Variants in KRT72 observed in about 807,000 individuals in gnomAD.
KRT72 encodes keratin 72, also known as keratin, type II cytoskeletal 72.
Under a neutral mutation model 44.7 loss-of-function variants are expected in KRT72, and 44 were observed. The ratio of observed to expected loss-of-function variants is 0.98; its 90% CI spans 0.77 to 1.27. The LOEUF is 1.27. Ranked by LOEUF, KRT72 falls within the 50% of genes most tolerant of loss-of-function variation. The probability of loss-of-function intolerance (pLI) is 0.00; values close to 1 mark genes in which losing one functional copy is unlikely to be tolerated. For missense variants in KRT72, 736 were observed against 667.1 expected (o/e 1.10, Z -1.14); for synonymous variants, 302 against 280.4 (o/e 1.08, Z -0.77).
At chr12:52,586,880 G>T in intron 8 of KRT72, 66 bp downstream of exon 8, 2 of 1,437,250 alleles carry the variant, frequency 1.4e-6, no homozygotes, top group Non-Finnish European at 2.0e-6. Context: ...TTTGTGTCAT[G>T]AATTAAAGGG....
chr12:52,599,988 T>C (rs1478401593), intron 1 of KRT72, among the ~76,000 whole-genome samples: 2 of 152,176 alleles, frequency 1.3e-5, no homozygotes, highest in African/African-American at 4.8e-5. Flanking sequence ...TGTCCCCTTA[T>C]CACTCACCGT....
rs1331497425 is a variant in KRT72, at chr12:52,592,809, G to A, written c.702+83C>T. ...GCCCAAGGGACTGAGTGACCTACAG[G>A]GCCCCTTTCCTCACCCTACAAGCAT... On this transcript the variant is annotated intron_variant, in intron 3 of 8. Transcript: ENST00000293745. 6.7e-6 allele frequency: 8 copies of A among 1,200,162 alleles called. No homozygotes were observed. In the East Asian group the frequency reaches 1.4e-4, roughly 21 times the overall value. The allele number at this position is 1,200,162 out of a possible 1,614,324, so 74.3% of individuals were successfully genotyped here.
chr12:52,600,520 G>C (rs949776439), intron 1 of KRT72, among the ~76,000 whole-genome samples: 1 of 152,172 alleles, frequency 6.6e-6, no homozygotes, highest in Admixed American at 6.5e-5. Flanking sequence ...CCAGGGGGGA[G>C]GTAAATGAAT....
chr12:52,590,710 A>T (rs1287013441), intron 6 of KRT72, 126 bp downstream of exon 6: 2 of 896,304 alleles, frequency 2.2e-6, no homozygotes, highest in East Asian at 2.6e-5. Flanking sequence ...TGTTCAGATC[A>T]TCCTCTCCTG....
chr12:52,602,026 C>G (rs943676508), upstream of KRT72, among the ~76,000 whole-genome samples: 1 of 152,192 alleles, frequency 6.6e-6, no homozygotes, highest in Non-Finnish European at 1.5e-5. Context: ...GATTTTGGCC[C>G]CGTCTGCAGA....
Position 52,590,925 on chromosome 12 carries a change from C to T in KRT72, c.1000G>A (p.Asp334Asn), listed in dbSNP as rs1264203867. The T allele has an allele frequency of 6.2e-7, 1 of 1,606,722 alleles. No homozygotes were observed. Among genetic ancestry groups the T allele is most frequent in the Non-Finnish European group, 8.5e-7 (1 of 1,174,808 alleles). The change falls in exon 6 of 9, where the codon GAT becomes AAT. Residue 334 changes from aspartate (D) to asparagine (N), a missense_variant. Physicochemically the swap from Asp to Asn is conservative, Grantham distance 23. Transcript: ENST00000293745. Reference protein sequence around the residue: ...ELQVTAGQHGDDLKLTKAEIS... With the variant: ...ELQVTAGQHGNDLKLTKAEIS... ...TCAGCCTTGGTGAGCTTGAGGTCAT[C>T]CCCATGCTGGCCTGCTGTGACCTGC...
chr12:52,590,390 C>T (rs1939953526), intron 6 of KRT72, among the ~76,000 whole-genome samples: 1 of 152,126 alleles, frequency 6.6e-6, no homozygotes. Flanking sequence ...CAAATGGCTC[C>T]CTTTTACCTC....
Position 52,599,098 on chromosome 12 carries a change from C to T in KRT72, c.441G>A (p.Glu147=). ...ASFIDKVRFL[E]QQNQVLETKW... is the part of the protein sequence containing the mutation. Reference sequence around the variant, plus strand: ...TGGTCTCTAGCACCTGATTCTGCTGCTCCAGGAACCGCACCTGGAACCCAA... The same window carrying T: ...TGGTCTCTAGCACCTGATTCTGCTGTTCCAGGAACCGCACCTGGAACCCAA... Residue 147 remains glutamate (E), a synonymous_variant, in exon 2 of 9, where the codon GAG becomes GAA. Transcript: ENST00000293745. 3.1e-6 allele frequency: 5 copies of T among 1,614,128 alleles called. No homozygotes were observed. Among genetic ancestry groups the T allele is most frequent in the Non-Finnish European group, 4.2e-6 (5 of 1,180,004 alleles).
At chr12:52,590,445 G>A (rs945977556) in intron 6 of KRT72, among the ~76,000 whole-genome samples, 2 of 152,162 alleles carry the variant, frequency 1.3e-5, no homozygotes, top group African/African-American at 4.8e-5. Context: ...CCTACCCAGT[G>A]GTGTACCCTG....
Position 52,592,396 on chromosome 12 carries a change from C to G in KRT72, c.798G>C (p.Gly266=). Residue 266 remains glycine (G), a splice_region_variant and synonymous_variant, in exon 4 of 9, where the codon GGG becomes GGC. Transcript: ENST00000293745. The part of the protein sequence containing the change: ...EIKFFKCLYE[G]EITQIQSHIS... ...CAAGAGAGGTCAGCCAAGTCCTTAC[C>G]CCTTCATAAAGGCACTTGAAGAATT... The G allele has an allele frequency of 1.2e-6, 2 of 1,601,610 alleles. No individual in the cohort carries two copies. The highest frequency in any genetic ancestry group is 1.7e-6 in the Non-Finnish European group (2 of 1,168,794).
At chr12:52,602,409 A>C (rs990360347), upstream of KRT72, among the ~76,000 whole-genome samples, 2 of 152,236 alleles carry the variant, frequency 1.3e-5, no homozygotes, top group Non-Finnish European at 2.9e-5. Flanking sequence ...ATCTAAAACC[A>C]AGAACTAGAT....
chr12:52,601,064 T>C lies in KRT72; in HGVS notation c.389A>G (p.Lys130Arg). ...RVRAQEREQI[K>R]ALNNKFASFI... ...GGAGGCGAACTTGTTGTTTAGCGCC[T>C]TGATCTGCTCCCGCTCCTGGGCGCG... is the stretch of plus-strand genomic sequence containing the variant. Residue 130 changes from lysine to arginine, a missense_variant, in exon 1 of 9, where the codon AAG becomes AGG. Coordinates refer to ENST00000293745, the MANE Select transcript of KRT72 (RefSeq NM_080747.3). The C allele has an allele frequency of 6.2e-7, 1 of 1,612,518 alleles. No homozygotes were observed. The highest frequency in any genetic ancestry group is 8.5e-7 in the Non-Finnish European group (1 of 1,179,522).
At chr12:52,590,433 T>C (rs1301757314) in intron 6 of KRT72, among the ~76,000 whole-genome samples, 1 of 152,190 alleles carries the variant, frequency 6.6e-6, no homozygotes, top group East Asian at 1.9e-4. Context: ...GGCTTACCTA[T>C]TCCTACCCAG....
intron 3 of KRT72, 101 bp from the exon 4 acceptor site, chr12:52,592,592 G>A: frequency 1.0e-5 from 9 of 860,154 alleles, no homozygotes; most frequent in Non-Finnish European, 1.7e-5. Flanking sequence ...CCTTCACCCT[G>A]TGCTTCATGG....
chr12:52,598,969 C>G lies in KRT72; in HGVS notation c.570G>C (p.Leu190=), dbSNP rs1252546982. ...AATCCAGCCTCACCCCGTCCCCAGA[C>G]AGCATCTCCAGCTGCTTCTGCAGGT... ...ISNLQKQLEM[L]SGDGVRLDSE... Residue 190 remains leucine, a synonymous_variant, in exon 2 of 9, where the codon CTG becomes CTC. Coordinates refer to ENST00000293745, the MANE Select transcript of KRT72 (RefSeq NM_080747.3). 1.2e-6 allele frequency: 2 copies of G among 1,614,232 alleles called. No individual in the cohort carries two copies. The highest frequency in any genetic ancestry group is 2.2e-5 in the South Asian group (2 of 91,086).
At chr12:52,595,834 C>T (rs774349226) in intron 2 of KRT72, among the ~76,000 whole-genome samples, 48 of 152,198 alleles carry the variant, frequency 3.2e-4, no homozygotes, top group Non-Finnish European at 5.1e-4. Flanking sequence ...TTGGTAAAGC[C>T]TTATTGAAAA....
chr12:52,591,549 T>A lies in KRT72; in HGVS notation c.878A>T (p.Asp293Val). The A allele has an allele frequency of 6.2e-7, 1 of 1,614,052 alleles. No homozygotes were observed. Among genetic ancestry groups the A allele is most frequent in the South Asian group, 1.1e-5 (1 of 91,072 alleles). ...GGCACGGACCTCGGCAATGATGCTG[T>A]CCAGGTCCAGATCCCGGTTGTTGTC... ...SMDNNRDLDLDSIIAEVRAQY... is the reference protein window; with the variant it reads ...SMDNNRDLDLVSIIAEVRAQY... The change falls in exon 5 of 9, where the codon GAC becomes GTC. Residue 293 changes from aspartate to valine, a missense_variant. Coordinates refer to ENST00000293745, the MANE Select transcript of KRT72 (RefSeq NM_080747.3).
At chr12:52,593,819 T>C (rs1436010911) in intron 2 of KRT72, among the ~76,000 whole-genome samples, 1 of 151,776 alleles carries the variant, frequency 6.6e-6, no homozygotes, top group African/African-American at 2.4e-5. Flanking sequence ...ATACTTAGAG[T>C]AGTCTAAGTC....
At chr12:52,587,417 C>T (rs1254648698) in intron 7 of KRT72, among the ~76,000 whole-genome samples, 7 of 152,246 alleles carry the variant, frequency 4.6e-5, no homozygotes, top group South Asian at 2.1e-4. Flanking sequence ...CAAACATTGC[C>T]GGCATTAATA....
Sources: allele counts gnomAD v4.1 joint callset (sites outside exome capture counted in the v4.1 genomes callset), GRCh38; gene constraint gnomAD v4.1.1; transcripts MANE v1.5; gene names NCBI Gene and HGNC (gene_info 2026-07-23, HGNC 2026-07-21).